The following MED13 variants were observed in gnomAD, a reference collection of about 807,000 sequenced individuals.
MED13 encodes mediator of RNA polymerase II transcription subunit 13.
A neutral mutation model predicts 225.2 loss-of-function variants in MED13; 23 were observed. The observed-to-expected ratio is 0.10, with a 90% CI of 0.07 to 0.14. The LOEUF (loss-of-function observed/expected upper bound fraction) is 0.14. Among genes scored for constraint, MED13 ranks in the 10% least tolerant of loss-of-function variants. The pLI, the probability that MED13 is intolerant of heterozygous loss-of-function variation, is 1.00. For synonymous variants in MED13, 942 were observed against 889.2 expected (o/e 1.06, Z -1.06); for missense variants, 2,197 against 2,594.5 (o/e 0.85, Z 3.33).
chr17:62,049,932 A>G (rs1189939452), intron 3 of MED13, among the ~76,000 whole-genome samples: 1 of 148,296 alleles, frequency 6.7e-6, no homozygotes, highest in Non-Finnish European at 1.5e-5. Context: ...TCTGTCTCCA[A>G]AAAAAAAAAA....
chr17:61,952,694 T>C (rs1473812859), intron 27 of MED13, among the ~76,000 whole-genome samples: 1 of 152,208 alleles, frequency 6.6e-6, no homozygotes, highest in Admixed American at 6.5e-5. Flanking sequence ...GGAATGGCAA[T>C]TGGATGATCT....
Position 62,035,538 on chromosome 17 carries a change from T to C in MED13, c.541A>G (p.Asn181Asp), listed in dbSNP as rs1356414273. Residue 181 changes from asparagine to aspartate, a missense_variant, in exon 4 of 30, where the codon AAC becomes GAC. Around this residue, in one of 12 missense-constraint regions of MED13, gnomAD observed 884 missense variants for 918.5 expected, o/e 0.96. Transcript: ENST00000397786. ...DSNVCTSVEI[N>D]QHQPVYLLSE... is the part of the protein sequence containing the mutation. Reference sequence around the variant, plus strand: ...AGAAGGTATACAGGTTGATGTTGGTTAATTTCCACACTGGTACAAACATTG... The same window carrying C: ...AGAAGGTATACAGGTTGATGTTGGTCAATTTCCACACTGGTACAAACATTG... 6.2e-7 allele frequency: 1 copy of C among 1,613,670 alleles called. No individual in the cohort carries two copies. The highest frequency in any genetic ancestry group is 1.7e-5 in the Admixed American group (1 of 60,000).
chr17:61,991,212 G>T (rs772936482), intron 11 of MED13, among the ~76,000 whole-genome samples: 4 of 151,808 alleles, frequency 2.6e-5, no homozygotes, highest in Non-Finnish European at 5.9e-5. Flanking sequence ...TCTGCCTCTT[G>T]GGTTCAAGCG....
chr17:62,060,207 C>T (rs749395609), intron 2 of MED13, among the ~76,000 whole-genome samples: 9 of 152,062 alleles, frequency 5.9e-5, no homozygotes, highest in Non-Finnish European at 8.8e-5. Flanking sequence ...ACAGGAGAAT[C>T]GCTTGAACCC....
In MED13 at chr17:61,984,233, A is replaced by G. The variant is rs774060845; in HGVS notation, c.2826T>C (p.Ser942=). ...GCAATTCCAATTTTCCAACAGTCCA[A>G]CTCTGACGGTAAATACACTCTTCTG... is the stretch of plus-strand genomic sequence containing the variant. ...KLPEECIYRQ[S]WTVGKLELLS... is the part of the protein sequence containing the mutation. Residue 942 remains serine (S), a synonymous_variant, in exon 15 of 30, where the codon AGT becomes AGC. Coordinates refer to ENST00000397786, the MANE Select transcript of MED13 (RefSeq NM_005121.3). The G allele has an allele frequency of 1.2e-6, 2 of 1,609,308 alleles. No individual in the cohort carries two copies. Among genetic ancestry groups the G allele is most frequent in the Non-Finnish European group, 1.7e-6 (2 of 1,178,356 alleles).
intron 17 of MED13, 142 bp downstream of exon 17, chr17:61,972,585 A>T: frequency 1.3e-6 from 1 of 749,720 alleles, no homozygotes; most frequent in Non-Finnish European, 2.1e-6. Context: ...TGGTGGGAAA[A>T]AAAGCTAGGA....
At chr17:61,993,196 C>CTTTTTTTTTT (rs1267367816) in intron 10 of MED13, among the ~76,000 whole-genome samples, 6 of 127,424 alleles carry the variant, frequency 4.7e-5, no homozygotes, top group African/African-American at 1.4e-4. Context: ...TTCTTTCTTT[C>CTTTTTTTTTT]TTTCTTTTTT....
chr17:62,015,974 TTTTTTTTTTA>T (rs2080575414), intron 8 of MED13, among the ~76,000 whole-genome samples: 1 of 65,102 alleles, frequency 1.5e-5, no homozygotes, highest in Non-Finnish European at 2.8e-5. Context: ...TTTTTTTTTT[TTTTTTTTTTA>T]GTAGAGACCG....
rs1438407710 is a variant in MED13 at position 62,058,387 on chromosome 17, G to A, written c.301+4680C>T. 1.3e-4 allele frequency among the ~76,000 whole-genome samples: 19 copies of A among 151,934 alleles called. 1 individual carries two copies. The East Asian group carries it at 3.7e-3, about 29-fold the overall frequency. The stretch of plus-strand genomic sequence containing the variant: ...AATACAAAAATTAGCCAGGCGTGAT[G>A]ACACATGCCTGTAGTCCCAACTACT... On this transcript the variant is annotated intron_variant, in intron 2 of 29. Coordinates refer to ENST00000397786, the MANE Select transcript of MED13 (RefSeq NM_005121.3).
At chr17:62,060,644 C>CAA (rs565314177) in intron 2 of MED13, among the ~76,000 whole-genome samples, 8 of 84,684 alleles carry the variant, frequency 9.4e-5, no homozygotes, top group Non-Finnish European at 1.4e-4. Context: ...GACTCCGTCT[C>CAA]AAAAAAAAAA....
intron 2 of MED13, among the ~76,000 whole-genome samples, chr17:62,062,631 T>TA (rs2081050160): frequency 1.4e-5 from 2 of 144,644 alleles, no homozygotes; most frequent in East Asian, 4.0e-4. Flanking sequence ...CACACACGGA[T>TA]AGTTACATTT....
chr17:62,054,255 C>G (rs1373221990), intron 2 of MED13, among the ~76,000 whole-genome samples: 1 of 151,646 alleles, frequency 6.6e-6, no homozygotes, highest in Admixed American at 6.6e-5. Flanking sequence ...GAGCCAAGAT[C>G]GTGCCACTGC....
chr17:62,062,457 TTTCTC>T lies in MED13; in HGVS notation c.301+605_301+609del, dbSNP rs569737324. 3.9e-3 allele frequency among the ~76,000 whole-genome samples: 591 copies of T among 152,068 alleles called. 2 individuals carry two copies. Among genetic ancestry groups the T allele is most frequent in the Middle Eastern group, 0.01 (3 of 294 alleles). Reference sequence around the variant, plus strand: ...CATAAAAGCTAAACAAGTTGGCACTTTTCTCTTATTATGTTTGACAGAACAGTATA... The same window carrying T: ...CATAAAAGCTAAACAAGTTGGCACTTTTATTATGTTTGACAGAACAGTATA... On this transcript the variant is annotated intron_variant, in intron 2 of 29. Coordinates refer to ENST00000397786, the MANE Select transcript of MED13 (RefSeq NM_005121.3).
chr17:61,997,040 T>A (rs1487809421), intron 9 of MED13, among the ~76,000 whole-genome samples: 1 of 152,218 alleles, frequency 6.6e-6, no homozygotes, highest in Admixed American at 6.5e-5. Context: ...CCACTGCTTA[T>A]CTACTCTGAG....
rs780234448 is a variant in MED13 at position 62,035,591 on chromosome 17, G to C, written c.488C>G (p.Ser163Cys). The change falls in exon 4 of 30, where the codon TCC (serine) becomes TGC (cysteine). Residue 163 changes from serine to cysteine, a missense_variant. By Grantham distance (112) the Ser-to-Cys change is moderately radical (BLOSUM62 -1). This residue lies in a region of MED13 where 884 missense variants were observed against 918.5 expected (regional missense o/e 0.96). Coordinates refer to ENST00000397786, the MANE Select transcript of MED13 (RefSeq NM_005121.3). The stretch of plus-strand genomic sequence containing the variant: ...GTCTCCATGCAAGAAAAAGGTGAAG[G>C]AGCAGGACAAGTGTTCACTAAAAAA... ...PINKSEHLSCSFTFFLHGDSN... is the reference protein window; with the variant it reads ...PINKSEHLSCCFTFFLHGDSN... 2.8e-5 allele frequency: 45 copies of C among 1,612,564 alleles called. No individual in the cohort carries two copies. Among genetic ancestry groups the C allele is most frequent in the Non-Finnish European group, 3.5e-5 (41 of 1,179,602 alleles).
chr17:62,015,915 C>CACACATATATATATAT (rs1230248036), intron 8 of MED13, among the ~76,000 whole-genome samples: 3 of 8,608 alleles, frequency 3.5e-4, no homozygotes, highest in Non-Finnish European at 4.4e-4. Context: ...ACACTATACA[C>CACACATATATATATAT]ATATATATAT....
intron 8 of MED13, among the ~76,000 whole-genome samples, chr17:62,019,365 C>A (rs969766738): frequency 6.6e-6 from 1 of 151,772 alleles, no homozygotes; most frequent in African/African-American, 2.4e-5. Flanking sequence ...ATAAGTGGTG[C>A]TTTAAAATTT....
intron 29 of MED13, 23 bp from the exon 30 acceptor site, chr17:61,946,623 A>G: frequency 6.2e-7 from 1 of 1,604,242 alleles, no homozygotes; most frequent in Non-Finnish European, 8.5e-7. Flanking sequence ...TAAACTGCAT[A>G]AGTCATTTAT....
At chr17:62,048,057 T>C (rs1255160290) in intron 3 of MED13, among the ~76,000 whole-genome samples, 2 of 143,962 alleles carry the variant, frequency 1.4e-5, no homozygotes, top group African/African-American at 5.0e-5. Context: ...TATATATATA[T>C]ATATATGTAT....
Sources: gnomAD v4.1 joint callset for allele counts (sites outside exome capture counted in the v4.1 genomes callset) on GRCh38, gnomAD v4.1.1 for gene constraint, gnomAD v4.1.1 regional missense constraint, MANE v1.5 for transcripts, NCBI Gene and HGNC (gene_info 2026-07-23, HGNC 2026-07-21) for gene names.